ROBO2: variants seen among roughly 807,000 people sequenced by gnomAD.
The protein encoded by ROBO2 is roundabout guidance receptor 2.
A neutral mutation model predicts 160.8 loss-of-function variants in ROBO2; 53 were observed. The observed-to-expected ratio is 0.33, with a 90% CI of 0.26 to 0.41. The LOEUF (loss-of-function observed/expected upper bound fraction) is 0.41. Ranked by LOEUF, ROBO2 falls within the 10% of genes least tolerant of loss-of-function variation. The pLI is 1.00. For synonymous variants in ROBO2, 664 were observed against 611.7 expected (o/e 1.09, Z -1.26); for missense variants, 1,577 against 1,722.4 (o/e 0.92, Z 1.49).
intron 2 of ROBO2, among the ~76,000 whole-genome samples, chr3:77,181,675 A>G (rs191915373): frequency 6.6e-6 from 1 of 152,214 alleles, no homozygotes; most frequent in African/African-American, 2.4e-5. Flanking sequence ...AAATGCATTA[A>G]TGAATACTGT....
At chr3:76,463,702 C>G (rs1007523247) in intron 2 of ROBO2, among the ~76,000 whole-genome samples, 1 of 152,160 alleles carries the variant, frequency 6.6e-6, no homozygotes, top group Non-Finnish European at 1.5e-5. Context: ...CTCCGCGCAT[C>G]CATCAGGACA....
At chr3:76,423,450 G>T (rs1271122204) in intron 2 of ROBO2, among the ~76,000 whole-genome samples, 1 of 152,122 alleles carries the variant, frequency 6.6e-6, no homozygotes, top group Non-Finnish European at 1.5e-5. Context: ...AGAAAACTGA[G>T]GCTGTCTACA....
chr3:77,489,662 G>A (rs2085821079), intron 4 of ROBO2, among the ~76,000 whole-genome samples: 1 of 152,174 alleles, frequency 6.6e-6, no homozygotes, highest in Admixed American at 6.5e-5. Context: ...GTGACTGTTA[G>A]CATGTTAAGG....
At chr3:76,375,175 T>C (rs1260413235) in intron 2 of ROBO2, among the ~76,000 whole-genome samples, 1 of 152,008 alleles carries the variant, frequency 6.6e-6, no homozygotes, top group Non-Finnish European at 1.5e-5. Flanking sequence ...AGAAATGTTG[T>C]CTTGGCAACC....
chr3:76,801,529 C>T (rs1167198596), intron 2 of ROBO2, among the ~76,000 whole-genome samples: 1 of 151,490 alleles, frequency 6.6e-6, no homozygotes, highest in Non-Finnish European at 1.5e-5. Flanking sequence ...TCTCATGTAC[C>T]CCATAAATAT....
intron 2 of ROBO2, among the ~76,000 whole-genome samples, chr3:76,798,319 G>GAAAA (rs1213399065): frequency 2.5e-4 from 28 of 113,250 alleles, no homozygotes; most frequent in Non-Finnish European, 4.9e-4. Flanking sequence ...AAAGAAAAAA[G>GAAAA]AACGAATGAA....
intron 2 of ROBO2, among the ~76,000 whole-genome samples, chr3:77,367,832 A>T (rs1413320049): frequency 6.6e-6 from 1 of 152,138 alleles, no homozygotes; most frequent in Non-Finnish European, 1.5e-5. Flanking sequence ...CCAGTTCATC[A>T]GTTGTGGTTC....
intron 2 of ROBO2, among the ~76,000 whole-genome samples, chr3:76,258,566 CATA>C (rs1419903755): frequency 6.6e-6 from 1 of 151,854 alleles, no homozygotes; most frequent in Non-Finnish European, 1.5e-5. Context: ...TGTGGTTATT[CATA>C]ATGTTATTTG....
At chr3:76,275,288 A>AT (rs894843498) in intron 2 of ROBO2, among the ~76,000 whole-genome samples, 3 of 151,986 alleles carry the variant, frequency 2.0e-5, no homozygotes, top group Admixed American at 6.6e-5. Context: ...TCAGTCTACA[A>AT]TTTTTTTTAA....
chr3:76,180,507 T>C (rs932543265), intron 2 of ROBO2, among the ~76,000 whole-genome samples: 8 of 152,144 alleles, frequency 5.3e-5, no homozygotes, highest in Admixed American at 2.0e-4. Context: ...TTTTCTCAAG[T>C]AGAAACTTTG....
At position 76,331,384 on chromosome 3, in the gene ROBO2, C is replaced by T. The variant is rs187598574; in HGVS notation, c.109+393782C>T. Among the ~76,000 whole-genome samples the T allele has an allele frequency of 7.1e-3, 1,081 of 152,208 alleles. 10 individuals carry two copies. The highest frequency in any genetic ancestry group is 0.013 in the South Asian group (65 of 4,832). On this transcript the variant is annotated intron_variant, in intron 2 of 26. Coordinates refer to the ROBO2 transcript ENST00000487694. ...TTTATATATAACAATTCCAGTTTATCGTCTGAAACTGCCTTTTAATTACAA... is the reference window on the plus strand; with the variant it reads ...TTTATATATAACAATTCCAGTTTATTGTCTGAAACTGCCTTTTAATTACAA...
intron 2 of ROBO2, among the ~76,000 whole-genome samples, chr3:76,742,346 G>A (rs1249764108): frequency 1.3e-5 from 2 of 152,024 alleles, no homozygotes; most frequent in Non-Finnish European, 2.9e-5. Context: ...GCAAATAAAT[G>A]TTTCATAGGT....
chr3:76,088,468 A>G (rs1198627420), intron 2 of ROBO2, among the ~76,000 whole-genome samples: 1 of 152,064 alleles, frequency 6.6e-6, no homozygotes, highest in Non-Finnish European at 1.5e-5. Flanking sequence ...ACATCTGAAC[A>G]ATAAAACACA....
At chr3:77,624,172 T>A (rs763608285) in intron 23 of ROBO2, among the ~76,000 whole-genome samples, 1 of 152,224 alleles carries the variant, frequency 6.6e-6, no homozygotes, top group Non-Finnish European at 1.5e-5. Context: ...GAATAATACA[T>A]CTCTTTAGTA....
At chr3:76,078,805 AGTTTTTT>A (rs1233969171) in intron 2 of ROBO2, among the ~76,000 whole-genome samples, 11 of 152,230 alleles carry the variant, frequency 7.2e-5, no homozygotes, top group Admixed American at 2.6e-4. Context: ...TTCAATTTTT[AGTTTTTT>A]GAGGGACCTC....
At chr3:76,587,607 C>T (rs2086134484) in intron 2 of ROBO2, among the ~76,000 whole-genome samples, 1 of 152,148 alleles carries the variant, frequency 6.6e-6, no homozygotes, top group Non-Finnish European at 1.5e-5. Flanking sequence ...CCCCATGATT[C>T]AATTATCTCC....
At chr3:77,059,671 A>AT (rs200885191) in intron 1 of ROBO2, among the ~76,000 whole-genome samples, 5 of 151,898 alleles carry the variant, frequency 3.3e-5, no homozygotes, top group South Asian at 2.1e-4. Context: ...CCCAATTACA[A>AT]TTTTTTTTAA....
chr3:77,565,247 C>A, intron 12 of ROBO2, 127 bp downstream of exon 13: 1 of 1,096,332 alleles, frequency 9.1e-7, no homozygotes, highest in Non-Finnish European at 1.4e-6. Flanking sequence ...TAGGCTTTAT[C>A]CAGGGAAGGA....
chr3:77,033,783 A>T (rs2063464499), intron 2 of ROBO2, among the ~76,000 whole-genome samples: 1 of 152,170 alleles, frequency 6.6e-6, no homozygotes, highest in African/African-American at 2.4e-5. Flanking sequence ...ACCAAAAATT[A>T]ATTTCACATT....
Sources: allele counts gnomAD v4.1 joint callset (sites outside exome capture counted in the v4.1 genomes callset), GRCh38; gene constraint gnomAD v4.1.1; transcripts MANE v1.5; gene names NCBI Gene and HGNC (gene_info 2026-07-23, HGNC 2026-07-21).